The following TLE3 variants were observed in gnomAD, a reference collection of about 807,000 sequenced individuals.
The protein encoded by TLE3 is transducin-like enhancer protein 3.
TLE3 carries 14 observed loss-of-function variants against 93.0 expected under a neutral mutation model. The observed-to-expected ratio is 0.15, with a 90% CI of 0.10 to 0.24. The LOEUF (loss-of-function observed/expected upper bound fraction) is 0.24. Ranked by LOEUF, TLE3 falls within the 10% of genes least tolerant of loss-of-function variation. The probability of loss-of-function intolerance (pLI) is 1.00; values close to 1 mark genes in which losing one functional copy is unlikely to be tolerated. For missense variants in TLE3, 693 were observed against 1,046.6 expected (o/e 0.66, Z 4.66); for synonymous variants, 451 against 425.0 (o/e 1.06, Z -0.75).
At chr15:70,095,401 T>G in intron 3 of TLE3, 177 bp downstream of exon 3, 1 of 1,473,774 alleles carries the variant, frequency 6.8e-7, no homozygotes, top group South Asian at 1.4e-5. Context: ...CTCCTCCAAG[T>G]GGCCCCGGCA....
At chr15:70,061,669 T>C (rs570918414) in intron 8 of TLE3, among the ~76,000 whole-genome samples, 9 of 152,164 alleles carry the variant, frequency 5.9e-5, no homozygotes, top group Non-Finnish European at 8.8e-5. Context: ...ATGATATTGG[T>C]GAGGTTTACT....
In TLE3 at chr15:70,097,045, C is replaced by T. The variant is rs886463605; in HGVS notation, c.-247G>A. The T allele has an allele frequency of 9.4e-6, 5 of 533,270 alleles. No homozygotes were observed. Among genetic ancestry groups the T allele is most frequent in the African/African-American group, 4.2e-5 (2 of 48,186 alleles). 33.0% of individuals were successfully genotyped at this position (533,270 alleles called of 1,614,324 possible). A position where few individuals can be genotyped will look rare whatever the true frequency, so the allele number is the denominator to read the frequency against. ...GCCGGGGCCGGGCGGCGGGCGCGGG[C>T]TTTGTGCGCCTAGGGCTCGGCGGGC... On this transcript the variant is annotated 5_prime_UTR_variant, in exon 1 of 20. Coordinates refer to ENST00000451782, the MANE Select transcript of TLE3 (RefSeq NM_001105192.3).
At chr15:70,091,103 C>T (rs34467808) in intron 4 of TLE3, among the ~76,000 whole-genome samples, 2,168 of 152,324 alleles carry the variant, frequency 0.014, 27 homozygotes, top group Middle Eastern at 0.048. Flanking sequence ...TCTGGGCCAC[C>T]GTTTCCTCAT....
chr15:70,055,893 C>T, intron 14 of TLE3: 1 of 309,936 alleles, frequency 3.2e-6, no homozygotes, highest in Non-Finnish European at 6.2e-6. Flanking sequence ...GAGAGTGTGC[C>T]CTCCAGGGGA....
chr15:70,096,632 G>T, intron 1 of TLE3, 143 bp downstream of exon 1: 1 of 1,547,162 alleles, frequency 6.5e-7, no homozygotes. Flanking sequence ...GCGCCCCCCG[G>T]CCGCATCCCC....
In TLE3 at chr15:70,096,058, C is replaced by A. The variant is rs1052476755; in HGVS notation, c.125+103G>T. ...GGCGGAGGCCCGGGCTGCCCCGCCG[C>A]CCCTAGGTCGGGAGCCCCCTCCGTC... On this transcript the variant is annotated intron_variant, in intron 2 of 19. Coordinates refer to ENST00000451782, the MANE Select transcript of TLE3 (RefSeq NM_001105192.3). The A allele has an allele frequency of 2.1e-5, 28 of 1,342,042 alleles. No individual in the cohort carries two copies. In the African/African-American group the frequency reaches 3.2e-4, roughly 15 times the overall value. The allele number at this position is 1,342,042 out of a possible 1,614,324, so 83.1% of individuals were successfully genotyped here. A position where few individuals can be genotyped will look rare whatever the true frequency, so the allele number is the denominator to read the frequency against.
At chr15:70,051,331 C>A (rs1195160032) in intron 19 of TLE3, 60 bp downstream of exon 19, 1 of 1,507,636 alleles carries the variant, frequency 6.6e-7, no homozygotes, top group Non-Finnish European at 9.0e-7. Flanking sequence ...ACTCCCATCA[C>A]CATCACCAAG....
intron 4 of TLE3, among the ~76,000 whole-genome samples, chr15:70,086,362 T>G (rs1222782894): frequency 6.6e-6 from 1 of 152,112 alleles, no homozygotes; most frequent in Non-Finnish European, 1.5e-5. Flanking sequence ...AGATCCAAAC[T>G]CAGCAAAGAC....
Position 70,057,664 on chromosome 15 carries a change from AG to A in TLE3, c.1052-7del. 6.4e-7 allele frequency: 1 copy of A among 1,562,872 alleles called. No individual in the cohort carries two copies. Among genetic ancestry groups the A allele is most frequent in the Non-Finnish European group, 8.6e-7 (1 of 1,160,510 alleles). On this transcript the variant is annotated splice_region_variant and splice_polypyrimidine_tract_variant and intron_variant, in intron 12 of 19. Transcript: ENST00000451782. ...GGGCGTGCGCAGAGCCGAGGCTGCG[AG>A]GGGTGGGCGTCAGGGAGGTGGGCCT...
intron 3 of TLE3, 97 bp downstream of exon 3, chr15:70,095,481 G>C: frequency 6.5e-7 from 1 of 1,546,388 alleles, no homozygotes; most frequent in Non-Finnish European, 8.7e-7. Flanking sequence ...CGGCTGGGCG[G>C]TGGTGGGGAC....
At chr15:70,052,237 C>T in intron 18 of TLE3, 137 bp downstream of exon 18, 1 of 1,069,838 alleles carries the variant, frequency 9.3e-7, no homozygotes, top group Non-Finnish European at 1.3e-6. Flanking sequence ...GAAGGGGCAC[C>T]AGCTCAGGGG....
chr15:70,079,242 C>A (rs755768663), intron 4 of TLE3: 13 of 376,562 alleles, frequency 3.5e-5, no homozygotes, highest in Non-Finnish European at 6.3e-5. Flanking sequence ...AGATGCAGAA[C>A]CTTCCACAAG....
At chr15:70,075,357 C>T (rs2057384749) in intron 5 of TLE3, among the ~76,000 whole-genome samples, 1 of 152,244 alleles carries the variant, frequency 6.6e-6, no homozygotes, top group Non-Finnish European at 1.5e-5. Context: ...CATTAATTCC[C>T]TTTGGCCTTG....
In TLE3 at chr15:70,054,641, C is replaced by T. The variant is rs746679062; in HGVS notation, c.1623G>A (p.Gly541=). The T allele has an allele frequency of 6.2e-7, 1 of 1,608,020 alleles. No homozygotes were observed. Among genetic ancestry groups the T allele is most frequent in the Admixed American group, 1.7e-5 (1 of 59,672 alleles). The change falls in exon 16 of 20, where the codon GGG becomes GGA. Residue 541 remains glycine (G), a synonymous_variant. Coordinates refer to ENST00000451782, the MANE Select transcript of TLE3 (RefSeq NM_001105192.3). The stretch of plus-strand genomic sequence containing the variant: ...CCTCGCCGCCCACGATGAGCGTGCG[C>T]CCATCAGGGAGCAGCTTGCAGGAGC... ...YIRSCKLLPD[G]RTLIVGGEAS... is the part of the protein sequence containing the mutation.
intron 6 of TLE3, among the ~76,000 whole-genome samples, chr15:70,067,602 C>G (rs577675847): frequency 6.6e-6 from 1 of 152,206 alleles, no homozygotes; most frequent in African/African-American, 2.4e-5. Flanking sequence ...ACTAAGGGAG[C>G]TCGCCTGTCA....
At chr15:70,057,381 T>G in intron 13 of TLE3, 78 bp downstream of exon 13, 1 of 1,488,454 alleles carries the variant, frequency 6.7e-7, no homozygotes, top group African/African-American at 1.4e-5. Context: ...CCCTTTAGCA[T>G]GTGGGGAGCA....
intron 17 of TLE3, chr15:70,053,023 C>A: frequency 1.7e-6 from 1 of 600,124 alleles, no homozygotes; most frequent in Non-Finnish European, 2.8e-6. Flanking sequence ...CACAGTTGGG[C>A]CAAATGTGTC....
intron 14 of TLE3, chr15:70,055,619 C>A (rs1323524488): frequency 6.9e-6 from 2 of 291,700 alleles, no homozygotes; most frequent in East Asian, 6.0e-5. Flanking sequence ...AAGGGCCTGG[C>A]TGAAATGCCA....
chr15:70,085,913 A>T (rs2058018381), intron 4 of TLE3, among the ~76,000 whole-genome samples: 1 of 152,266 alleles, frequency 6.6e-6, no homozygotes, highest in Non-Finnish European at 1.5e-5. Context: ...AAGCAAAATA[A>T]GAACTGGACT....
Sources: allele counts gnomAD v4.1 joint callset (sites outside exome capture counted in the v4.1 genomes callset), GRCh38; gene constraint gnomAD v4.1.1; transcripts MANE v1.5; gene names NCBI Gene and HGNC (gene_info 2026-07-23, HGNC 2026-07-21).